Variants in PRICKLE1 observed in about 807,000 individuals in gnomAD.
PRICKLE1 encodes prickle planar cell polarity protein 1.
A neutral mutation model predicts 70.2 loss-of-function variants in PRICKLE1; 14 were observed. The observed-to-expected ratio is 0.20, with a 90% CI of 0.13 to 0.31. The LOEUF (loss-of-function observed/expected upper bound fraction) is 0.31, where lower values mean the gene tolerates loss of function less well. Ranked by LOEUF, PRICKLE1 falls within the 10% of genes least tolerant of loss-of-function variation. The pLI is 1.00. For synonymous variants in PRICKLE1, 357 were observed against 379.9 expected, an observed-to-expected ratio of 0.94 and a Z score of 0.70; for missense variants, 821 against 1,026.2, an observed-to-expected ratio of 0.80 and a Z score of 2.73.
At chr12:42,501,943 C>T (rs1939318319) in intron 1 of PRICKLE1, among the ~76,000 whole-genome samples, 1 of 152,190 alleles carries the variant, frequency 6.6e-6, no homozygotes, top group South Asian at 2.1e-4. Context: ...AAAACACTCA[C>T]TGTTGCCATC....
intron 1 of PRICKLE1, among the ~76,000 whole-genome samples, chr12:42,499,317 A>G (rs1939263320): frequency 6.6e-6 from 1 of 152,196 alleles, no homozygotes; most frequent in African/African-American, 2.4e-5. Context: ...GCTCTAAATG[A>G]CTATTTGTTT....
chr12:42,469,869 C>T, intron 3 of PRICKLE1: 3 of 522,126 alleles, frequency 5.7e-6, no homozygotes, highest in South Asian at 4.2e-5. Flanking sequence ...AACCTTTCCA[C>T]AAAAGGTTTA....
intron 1 of PRICKLE1, among the ~76,000 whole-genome samples, chr12:42,553,443 CAAA>C (rs11432974): frequency 1.1e-4 from 15 of 139,062 alleles, no homozygotes; most frequent in Non-Finnish European, 1.8e-4. Context: ...GACTCCGTCT[CAAA>C]AAAAAAAAAA....
intron 1 of PRICKLE1, among the ~76,000 whole-genome samples, chr12:42,536,375 C>G (rs997362934): frequency 1.3e-5 from 2 of 152,138 alleles, no homozygotes; most frequent in Non-Finnish European, 2.9e-5. Context: ...GGTCTGGGAG[C>G]TTTTCCTGGT....
intron 1 of PRICKLE1, chr12:42,482,996 A>C (rs1938857291): frequency 6.6e-6 from 1 of 152,234 alleles, no homozygotes; most frequent in Admixed American, 6.5e-5. Flanking sequence ...GACCGGCTCC[A>C]GCCCCTCTCT....
intron 1 of PRICKLE1, among the ~76,000 whole-genome samples, chr12:42,579,927 A>G (rs1197862926): frequency 6.6e-6 from 1 of 151,908 alleles, no homozygotes; most frequent in Non-Finnish European, 1.5e-5. Flanking sequence ...GCTGGAGTGC[A>G]ATGGCGCAAT....
intron 1 of PRICKLE1, among the ~76,000 whole-genome samples, chr12:42,498,474 T>C (rs58031337): frequency 0.025 from 3,809 of 152,238 alleles, 123 homozygotes; most frequent in East Asian, 0.12. Flanking sequence ...GTGCTTGGTC[T>C]CATTTTCTTT....
chr12:42,585,495 A>G (rs1361274113), intron 1 of PRICKLE1, among the ~76,000 whole-genome samples: 3 of 152,188 alleles, frequency 2.0e-5, no homozygotes, highest in African/African-American at 7.2e-5. Flanking sequence ...CACAACTGGA[A>G]ATAGTCAATG....
intron 1 of PRICKLE1, among the ~76,000 whole-genome samples, chr12:42,558,643 C>G (rs1240910553): frequency 6.6e-6 from 1 of 152,216 alleles, no homozygotes; most frequent in Non-Finnish European, 1.5e-5. Flanking sequence ...CTTTGAGCTA[C>G]TAAACTACAA....
intron 1 of PRICKLE1, among the ~76,000 whole-genome samples, chr12:42,506,736 CTAATTTTTGTATTTT>C (rs1452751926): frequency 6.6e-6 from 1 of 151,790 alleles, no homozygotes; most frequent in Admixed American, 6.6e-5. Flanking sequence ...CCATGCCCGG[CTAATTTTTGTATTTT>C]TAGTAGAGAC....
At chr12:42,466,470 G>A in intron 5 of PRICKLE1, 90 bp from the exon 6 acceptor site, 1 of 1,110,594 alleles carries the variant, frequency 9.0e-7, no homozygotes, top group Non-Finnish European at 1.3e-6. Flanking sequence ...CCGGGCAATG[G>A]ACAGACACTG....
At chr12:42,531,995 C>CA (rs1276611543) in intron 1 of PRICKLE1, among the ~76,000 whole-genome samples, 3 of 151,714 alleles carry the variant, frequency 2.0e-5, no homozygotes, top group African/African-American at 7.3e-5. Flanking sequence ...TCATCTCTAC[C>CA]AAAAAAATAA....
rs139103281 is a variant in PRICKLE1 at position 42,506,567 on chromosome 12, CTTTTT to C, written c.-48-34008_-48-34004del. ...CCACCGCGCCCAGCTCAATAGTGTTCTTTTTTTTTTTTTTTTTTTTTTTTTTTTGA... is the reference window on the plus strand; with the variant it reads ...CCACCGCGCCCAGCTCAATAGTGTTCTTTTTTTTTTTTTTTTTTTTTTTGA... On this transcript the variant is annotated intron_variant, in intron 1 of 7. Coordinates refer to ENST00000345127, the MANE Select transcript of PRICKLE1 (RefSeq NM_153026.3). Among the ~76,000 whole-genome samples the C allele has an allele frequency of 8.2e-3, 527 of 64,592 alleles. 11 individuals are homozygous for C. The highest frequency in any genetic ancestry group is 0.013 in the East Asian group (22 of 1,630). 42.4% of individuals were successfully genotyped at this position (64,592 alleles called of 152,430 possible). A position where few individuals can be genotyped will look rare whatever the true frequency, so the allele number is the denominator to read the frequency against.
intron 6 of PRICKLE1, chr12:42,465,615 G>A (rs957795081): frequency 4.8e-5 from 14 of 289,572 alleles, no homozygotes; most frequent in South Asian, 3.2e-4. Context: ...CTACTGCCGC[G>A]TTTTCTGCAT....
At chr12:42,577,698 G>C (rs1427251097) in intron 1 of PRICKLE1, among the ~76,000 whole-genome samples, 1 of 152,076 alleles carries the variant, frequency 6.6e-6, no homozygotes. Context: ...GGGTACGAAG[G>C]CCAGAAAATT....
intron 1 of PRICKLE1, among the ~76,000 whole-genome samples, chr12:42,535,030 C>G (rs1161820636): frequency 6.6e-6 from 1 of 152,202 alleles, no homozygotes; most frequent in South Asian, 2.1e-4. Context: ...TGGGGCAGAA[C>G]CCACCCTCGG....
intron 1 of PRICKLE1, among the ~76,000 whole-genome samples, chr12:42,569,865 A>G (rs1260489251): frequency 1.3e-5 from 2 of 152,258 alleles, no homozygotes; most frequent in Non-Finnish European, 1.5e-5. Flanking sequence ...TAAAGCTGAA[A>G]GATTGTGTCA....
intron 1 of PRICKLE1, chr12:42,485,247 T>C (rs928157808): frequency 1.7e-5 from 2 of 120,426 alleles, no homozygotes; most frequent in South Asian, 5.7e-4. Flanking sequence ...AAGTTTTTTT[T>C]TTTTTTTTTT....
intron 1 of PRICKLE1, among the ~76,000 whole-genome samples, chr12:42,568,152 G>C (rs1940652738): frequency 6.6e-6 from 1 of 152,226 alleles, no homozygotes; most frequent in South Asian, 2.1e-4. Context: ...GAAAAATAGG[G>C]AACACTTTTT....
Sources: gnomAD v4.1 joint callset for allele counts (sites outside exome capture counted in the v4.1 genomes callset) on GRCh38, gnomAD v4.1.1 for gene constraint, MANE v1.5 for transcripts, NCBI Gene and HGNC (gene_info 2026-07-23, HGNC 2026-07-21) for gene names.